HIVEP3: variants seen among roughly 807,000 people sequenced by gnomAD.
HIVEP3 encodes the protein transcription factor HIVEP3.
HIVEP3 carries 49 observed loss-of-function variants against 152.8 expected under a neutral mutation model. The ratio of observed to expected loss-of-function variants is 0.32; its 90% CI spans 0.26 to 0.41. The LOEUF (loss-of-function observed/expected upper bound fraction) is 0.41. Ranked by LOEUF, HIVEP3 falls within the 10% of genes least tolerant of loss-of-function variation. The pLI, the probability that HIVEP3 is intolerant of heterozygous loss-of-function variation, is 1.00. For missense variants in HIVEP3, 2,790 were observed against 3,103.3 expected (o/e 0.90, Z 2.40); for synonymous variants, 1,269 against 1,289.0 (o/e 0.98, Z 0.33).
chr1:41,886,488 G>A (rs565721148), intron 1 of HIVEP3, among the ~76,000 whole-genome samples: 9 of 152,078 alleles, frequency 5.9e-5, no homozygotes, highest in Admixed American at 2.6e-4. Context: ...CGAGGCAGGC[G>A]GATCCTCTGA....
At chr1:41,754,788 C>A (rs1047147046) in intron 1 of HIVEP3, among the ~76,000 whole-genome samples, 2 of 152,064 alleles carry the variant, frequency 1.3e-5, no homozygotes, top group African/African-American at 4.8e-5. Flanking sequence ...CAAAGAAATG[C>A]AATTTAAAAT....
At chr1:41,624,090 G>A (rs1274804842) in intron 3 of HIVEP3, among the ~76,000 whole-genome samples, 1 of 152,168 alleles carries the variant, frequency 6.6e-6, no homozygotes, top group African/African-American at 2.4e-5. Flanking sequence ...TGGCCTCCCT[G>A]GGTTGCGAAG....
chr1:41,508,598 G>C lies in HIVEP3; in HGVS notation c.*1853C>G, dbSNP rs1644407698. 6.6e-6 allele frequency: 1 copy of C among 152,466 alleles called. No homozygotes were observed. The highest frequency in any genetic ancestry group is 2.4e-5 in the African/African-American group (1 of 41,452). The allele number at this position is 152,466 out of a possible 1,614,324, so 9.4% of individuals were successfully genotyped here. On this transcript the variant is annotated 3_prime_UTR_variant, in exon 9 of 9. Transcript: ENST00000372583. The stretch of plus-strand genomic sequence containing the variant: ...GCAAAGGAGAATGAGTGAACAAGGT[G>C]GTCTGGCTGCAGGCTGGACTGTGGC...
At chr1:41,851,269 G>A (rs1353498505) in intron 1 of HIVEP3, among the ~76,000 whole-genome samples, 2 of 141,122 alleles carry the variant, frequency 1.4e-5, no homozygotes, top group East Asian at 2.4e-4. Context: ...AGAATGATGA[G>A]AGAGCACCTT....
chr1:41,977,748 T>C (rs1256842964), intron 1 of HIVEP3, among the ~76,000 whole-genome samples: 1 of 152,182 alleles, frequency 6.6e-6, no homozygotes, highest in East Asian at 1.9e-4. Context: ...CATGTTTCCT[T>C]CCAACACCCA....
chr1:41,553,095 G>A (rs1044044513), intron 5 of HIVEP3, among the ~76,000 whole-genome samples: 3 of 152,144 alleles, frequency 2.0e-5, no homozygotes, highest in Non-Finnish European at 4.4e-5. Flanking sequence ...ATTGACAGTG[G>A]GGAGTTAAAG....
At chr1:41,544,851 A>C (rs796658341) in intron 5 of HIVEP3, among the ~76,000 whole-genome samples, 1 of 39,480 alleles carries the variant, frequency 2.5e-5, no homozygotes, top group African/African-American at 1.4e-4. Flanking sequence ...CACTACCACC[A>C]CCACCACCAC....
chr1:41,571,772 C>T (rs925503614), intron 5 of HIVEP3, among the ~76,000 whole-genome samples: 6 of 152,194 alleles, frequency 3.9e-5, no homozygotes, highest in Admixed American at 1.3e-4. Context: ...AGGTGAAGGG[C>T]GACAGGAACA....
intron 1 of HIVEP3, among the ~76,000 whole-genome samples, chr1:42,017,347 G>A (rs968822839): frequency 1.3e-5 from 2 of 152,038 alleles, no homozygotes; most frequent in Admixed American, 6.6e-5. Flanking sequence ...ACAGAAAAGA[G>A]CACAAGGCAT....
intron 2 of HIVEP3, among the ~76,000 whole-genome samples, chr1:41,671,408 A>G (rs1288225426): frequency 6.6e-6 from 1 of 152,124 alleles, no homozygotes; most frequent in Non-Finnish European, 1.5e-5. Context: ...TCCTTCTGGA[A>G]TTGCCGGAGA....
chr1:41,806,813 G>C (rs1246474709), intron 1 of HIVEP3, among the ~76,000 whole-genome samples: 1 of 152,164 alleles, frequency 6.6e-6, no homozygotes, highest in Non-Finnish European at 1.5e-5. Flanking sequence ...AGGGTAGGGG[G>C]CTCCTAGCTC....
chr1:41,609,538 G>C (rs16828471), intron 3 of HIVEP3, among the ~76,000 whole-genome samples: 1 of 152,246 alleles, frequency 6.6e-6, no homozygotes, highest in Non-Finnish European at 1.5e-5. Context: ...TCTACACTAA[G>C]TGTACCAGGA....
At chr1:42,033,391 T>C (rs1645624227) in intron 1 of HIVEP3, among the ~76,000 whole-genome samples, 1 of 152,190 alleles carries the variant, frequency 6.6e-6, no homozygotes, top group South Asian at 2.1e-4. Flanking sequence ...AGTATTAACA[T>C]GAAGTCCTCA....
chr1:41,849,696 CTTTTTTT>C (rs750021881), intron 1 of HIVEP3, among the ~76,000 whole-genome samples: 1 of 142,508 alleles, frequency 7.0e-6, no homozygotes, highest in Admixed American at 7.1e-5. Flanking sequence ...AGACCCAAAT[CTTTTTTT>C]TTTTTTTTTC....
At chr1:41,675,485 C>T (rs1645940254) in intron 2 of HIVEP3, among the ~76,000 whole-genome samples, 1 of 152,238 alleles carries the variant, frequency 6.6e-6, no homozygotes, top group South Asian at 2.1e-4. Flanking sequence ...GGCATCTCCT[C>T]TCCAGAGCCT....
intron 2 of HIVEP3, among the ~76,000 whole-genome samples, chr1:41,642,766 G>A (rs1162604903): frequency 6.6e-6 from 1 of 152,148 alleles, no homozygotes; most frequent in Non-Finnish European, 1.5e-5. Flanking sequence ...ATTTGGGTGT[G>A]TGTTGGTGAA....
At chr1:41,570,029 T>C (rs1235271704) in intron 5 of HIVEP3, among the ~76,000 whole-genome samples, 1 of 152,230 alleles carries the variant, frequency 6.6e-6, no homozygotes, top group Non-Finnish European at 1.5e-5. Context: ...GCCTCCCAGA[T>C]ACGAAGTTGG....
At chr1:41,529,202 CCATA>C (rs1224019517) in intron 5 of HIVEP3, among the ~76,000 whole-genome samples, 2 of 94,280 alleles carry the variant, frequency 2.1e-5, no homozygotes, top group South Asian at 3.6e-4. Flanking sequence ...ATGCTTACAC[CCATA>C]CACTCACACC....
At chr1:41,830,935 T>C (rs1273461654) in intron 1 of HIVEP3, among the ~76,000 whole-genome samples, 3 of 152,228 alleles carry the variant, frequency 2.0e-5, no homozygotes, top group Admixed American at 6.5e-5. Context: ...TTGTCTCAAA[T>C]GTACTATCTC....
Sources: gnomAD v4.1 joint callset for allele counts (sites outside exome capture counted in the v4.1 genomes callset) on GRCh38, gnomAD v4.1.1 for gene constraint, MANE v1.5 for transcripts, NCBI Gene and HGNC (gene_info 2026-07-23, HGNC 2026-07-21) for gene names.